GPHN: variants seen among roughly 807,000 people sequenced by gnomAD.
The protein encoded by GPHN is gephyrin.
Under a neutral mutation model 95.5 loss-of-function variants are expected in GPHN, and 17 were observed. The observed-to-expected ratio is 0.18, with a 90% confidence interval of 0.12 to 0.27. The LOEUF (loss-of-function observed/expected upper bound fraction) is 0.27. Ranked by LOEUF, GPHN falls within the 10% of genes least tolerant of loss-of-function variation. GPHN has a pLI of 1.00. For synonymous variants in GPHN, 320 were observed against 322.5 expected (o/e 0.99, Z 0.08); for missense variants, 660 against 978.1 (o/e 0.67, Z 4.34).
chr14:66,744,585 T>C (rs1251280260), intron 2 of GPHN, among the ~76,000 whole-genome samples: 7 of 152,216 alleles, frequency 4.6e-5, no homozygotes, highest in Non-Finnish European at 1.5e-5. Flanking sequence ...TGTTGATAAA[T>C]TTCCTTATAC....
chr14:66,997,322 G>A (rs1056396009), intron 9 of GPHN, among the ~76,000 whole-genome samples: 15 of 148,178 alleles, frequency 1.0e-4, no homozygotes, highest in Middle Eastern at 3.6e-3. Flanking sequence ...AGCCAAGATC[G>A]TGCAATTGCA....
the GPHN span, among the ~76,000 whole-genome samples, chr14:67,715,631 T>C: frequency 6.6e-6 from 1 of 152,180 alleles, no homozygotes; most frequent in African/African-American, 2.4e-5. Flanking sequence ...TCTATTTCAG[T>C]CCCCAATGCC....
chr14:67,562,782 C>A, the GPHN span: 1 of 1,613,814 alleles, frequency 6.2e-7, no homozygotes, highest in Non-Finnish European at 8.5e-7. Context: ...GAGCCACCCC[C>A]AGCAGGGAAG....
intron 1 of GPHN, among the ~76,000 whole-genome samples, chr14:66,613,181 A>T (rs1649062455): frequency 6.6e-6 from 1 of 152,096 alleles, no homozygotes; most frequent in Non-Finnish European, 1.5e-5. Context: ...ACTGATCAAC[A>T]TATAATTTTG....
the GPHN span, among the ~76,000 whole-genome samples, chr14:67,284,427 C>A: frequency 4.9e-5 from 4 of 82,218 alleles, no homozygotes; most frequent in South Asian, 9.1e-4. Flanking sequence ...GACCCTATCT[C>A]TTAAAAAAAA....
chr14:67,432,360 C>T, the GPHN span, among the ~76,000 whole-genome samples: 1 of 152,234 alleles, frequency 6.6e-6, no homozygotes, highest in Non-Finnish European at 1.5e-5. Context: ...CCTTCCTTGG[C>T]GAACGAGCCC....
chr14:66,894,512 G>A (rs1208530325), intron 5 of GPHN, among the ~76,000 whole-genome samples: 1 of 152,078 alleles, frequency 6.6e-6, no homozygotes, highest in Non-Finnish European at 1.5e-5. Context: ...TTGACAAATG[G>A]GATCTAATTA....
At chr14:67,413,873 T>C in the GPHN span, among the ~76,000 whole-genome samples, 1 of 152,168 alleles carries the variant, frequency 6.6e-6, no homozygotes, top group Non-Finnish European at 1.5e-5. Context: ...AACAACCCCA[T>C]GAGGTGTTTA....
the GPHN span, among the ~76,000 whole-genome samples, chr14:67,260,052 C>T: frequency 6.6e-6 from 1 of 152,130 alleles, no homozygotes; most frequent in Non-Finnish European, 1.5e-5. Context: ...TACTCTTCCT[C>T]ATTTATTTAA....
At chr14:67,081,661 G>A (rs1210846073) in intron 11 of GPHN, among the ~76,000 whole-genome samples, 3 of 152,194 alleles carry the variant, frequency 2.0e-5, no homozygotes, top group African/African-American at 7.2e-5. Flanking sequence ...TCTTGGTCAT[G>A]AAGTCTTTGC....
chr14:67,270,681 GCT>G, the GPHN span: 6 of 151,820 alleles, frequency 4.0e-5, no homozygotes, highest in Admixed American at 3.9e-4. Context: ...ACATGTATGG[GCT>G]AGAGTATTTG....
chr14:67,703,415 T>A, the GPHN span, among the ~76,000 whole-genome samples: 3 of 152,224 alleles, frequency 2.0e-5, no homozygotes, highest in Non-Finnish European at 4.4e-5. Context: ...CTGAATCGTA[T>A]AAGAAAAACA....
intron 2 of GPHN, among the ~76,000 whole-genome samples, chr14:66,766,401 A>G (rs2058963651): frequency 6.6e-6 from 1 of 152,140 alleles, no homozygotes; most frequent in Non-Finnish European, 1.5e-5. Context: ...TGAAGGCAAA[A>G]TACTGAAAAA....
chr14:66,730,691 T>G (rs1194365559), intron 2 of GPHN, among the ~76,000 whole-genome samples: 1 of 152,244 alleles, frequency 6.6e-6, no homozygotes, highest in African/African-American at 2.4e-5. Context: ...ATAGTACTGA[T>G]TCAGATATAC....
At chr14:67,464,428 TC>T in the GPHN span, among the ~76,000 whole-genome samples, 2 of 151,784 alleles carry the variant, frequency 1.3e-5, no homozygotes, top group African/African-American at 4.8e-5. Flanking sequence ...TCACCCTCTG[TC>T]CCCCTGCCCC....
chr14:67,487,629 A>G, the GPHN span, among the ~76,000 whole-genome samples: 1 of 152,162 alleles, frequency 6.6e-6, no homozygotes, highest in South Asian at 2.1e-4. Context: ...GTGCAGAAAA[A>G]CAAAATGTGT....
the GPHN span, chr14:67,555,932 G>A: frequency 3.1e-5 from 49 of 1,600,918 alleles, no homozygotes; most frequent in African/African-American, 2.7e-4. Flanking sequence ...GGGAATGACC[G>A]TCGGCCCTTC....
the GPHN span, chr14:67,562,837 G>A: frequency 6.2e-7 from 1 of 1,613,738 alleles, no homozygotes; most frequent in Non-Finnish European, 8.5e-7. Context: ...CTGAGCTGGA[G>A]GAAGTGGAGC....
chr14:67,020,104 C>A (rs1447068357), intron 9 of GPHN, among the ~76,000 whole-genome samples: 1 of 152,120 alleles, frequency 6.6e-6, no homozygotes, highest in East Asian at 1.9e-4. Flanking sequence ...CAGATTAAAT[C>A]TTCTGTGTCT....
Sources: gnomAD v4.1 joint callset for allele counts (sites outside exome capture counted in the v4.1 genomes callset) on GRCh38, gnomAD v4.1.1 for gene constraint, MANE v1.5 for transcripts, NCBI Gene and HGNC (gene_info 2026-07-23, HGNC 2026-07-21) for gene names.